The following AMDHD2 variants were observed in gnomAD, a reference collection of about 807,000 sequenced individuals.
AMDHD2 encodes N-acetylglucosamine-6-phosphate deacetylase.
AMDHD2 carries 24 observed loss-of-function variants against 41.8 expected under a neutral mutation model. The observed-to-expected ratio is 0.57, with a 90% CI of 0.42 to 0.81. The LOEUF (loss-of-function observed/expected upper bound fraction) is 0.81. Among genes scored for constraint, AMDHD2 ranks in the 30% least tolerant of loss-of-function variants. The pLI, the probability that AMDHD2 is intolerant of heterozygous loss-of-function variation, is 0.00. For missense variants in AMDHD2, 540 were observed against 588.5 expected, an observed-to-expected ratio of 0.92 and a Z score of 0.85; for synonymous variants, 332 against 255.5, an observed-to-expected ratio of 1.30 and a Z score of -2.85.
rs896325121 is a variant in AMDHD2 at position 2,524,524 on chromosome 16, G to C, written c.361-3037G>C. Reference sequence around the variant, plus strand: ...TTTTACTGTGCTCTCTCTATGTAGCGCCCTCTTGCTCCCTTCTAAAACTCC... The same window carrying C: ...TTTTACTGTGCTCTCTCTATGTAGCCCCCTCTTGCTCCCTTCTAAAACTCC... On this transcript the variant is annotated intron_variant, in intron 3 of 10. Coordinates refer to ENST00000293971, the MANE Select transcript of AMDHD2 (RefSeq NM_001330449.2). 3.3e-5 allele frequency among the ~76,000 whole-genome samples: 5 copies of C among 152,274 alleles called. No individual in the cohort carries two copies. The East Asian group carries it at 7.7e-4, about 23-fold the overall frequency.
At chr16:2,523,755 G>GC (rs1374162442) in intron 3 of AMDHD2, among the ~76,000 whole-genome samples, 1 of 152,098 alleles carries the variant, frequency 6.6e-6, no homozygotes, top group African/African-American at 2.4e-5. Context: ...CATCACCTCT[G>GC]CCCCACCCCT....
chr16:2,529,397 C>A (rs566373787), intron 10 of AMDHD2, 78 bp from the exon 11 acceptor site: 5 of 1,584,998 alleles, frequency 3.2e-6, no homozygotes, highest in Non-Finnish European at 4.3e-6. Flanking sequence ...CCACCAGCGT[C>A]GGGTTGTTGG....
rs2066024232 is a variant in AMDHD2, at chr16:2,527,837, C to T, written c.480C>T (p.Leu160=). 1.9e-6 allele frequency: 3 copies of T among 1,596,764 alleles called. No individual in the cohort carries two copies. Among genetic ancestry groups the T allele is most frequent in the Non-Finnish European group, 2.5e-6 (3 of 1,178,502 alleles). The change falls in exon 5 of 11, where the codon CTC becomes CTT. Residue 160 remains leucine (L), a synonymous_variant. Coordinates refer to ENST00000293971, the MANE Select transcript of AMDHD2 (RefSeq NM_001330449.2). The surrounding 1 kb of genome is among the most constrained non-coding windows in gnomAD (Gnocchi z 6.1). Reference sequence around the variant, plus strand: ...GGGGCGCGCACCCCGAGGCCCACCTCCGCTCCTTCGAGGCCGATGCCTTCC... The same window carrying T: ...GGGGCGCGCACCCCGAGGCCCACCTTCGCTCCTTCGAGGCCGATGCCTTCC... ...EKRGAHPEAH[L]RSFEADAFQD... is the part of the protein sequence containing the mutation.
rs1411638705 is a variant in AMDHD2 at position 2,530,259 on chromosome 16, C to T, written c.*696C>T. On this transcript the variant is annotated 3_prime_UTR_variant, in exon 11 of 11. Transcript: ENST00000293971. ...CCTATCTCTTCACACATCCCCAGGC[C>T]CAGTGCTTGCCGGCTGTGGTGACCC... 1 of 1,610,270 alleles carries T rather than the reference C, an allele frequency of 6.2e-7. No homozygotes were observed. The highest frequency in any genetic ancestry group is 8.5e-7 in the Non-Finnish European group (1 of 1,178,438).
rs1254496724 is a variant in AMDHD2, at chr16:2,520,391, T to C, written c.-68T>C. On this transcript the variant is annotated 5_prime_UTR_variant, in exon 1 of 11. Coordinates refer to ENST00000293971, the MANE Select transcript of AMDHD2 (RefSeq NM_001330449.2). ...GCGCGGTCTCAGCTCTCGGCTGGGG[T>C]TCGTCACTGGGCGCGGGATTTGGCC... 1.7e-6 allele frequency: 2 copies of C among 1,179,724 alleles called. No individual in the cohort carries two copies. Among genetic ancestry groups the C allele is most frequent in the African/African-American group, 3.2e-5 (2 of 62,444 alleles). 73.1% of individuals were successfully genotyped at this position (1,179,724 alleles called of 1,614,324 possible). A position where few individuals can be genotyped will look rare whatever the true frequency, so the allele number is the denominator to read the frequency against.
Position 2,531,085 on chromosome 16 carries a change from A to G in AMDHD2, c.*1522A>G. On this transcript the variant is annotated 3_prime_UTR_variant, in exon 11 of 11. Transcript: ENST00000293971. Reference sequence around the variant, plus strand: ...CTTGATGTGCCCATCCTCAGCTAAAACCCAGAGCTGGCATGTTGGTCATCC... The same window carrying G: ...CTTGATGTGCCCATCCTCAGCTAAAGCCCAGAGCTGGCATGTTGGTCATCC... The G allele has an allele frequency of 1.3e-6, 2 of 1,573,896 alleles. No homozygotes were observed. The highest frequency in any genetic ancestry group is 1.7e-6 in the Non-Finnish European group (2 of 1,155,572).
In AMDHD2 at chr16:2,520,498, C is replaced by T; in HGVS notation, c.40C>T (p.Gln14Ter). 1 of 1,234,094 alleles carries T rather than the reference C, an allele frequency of 8.1e-7. No homozygotes were observed. The highest frequency in any genetic ancestry group is 1.6e-5 in the African/African-American group (1 of 63,778). 76.4% of individuals were successfully genotyped at this position (1,234,094 alleles called of 1,614,324 possible). A position where few individuals can be genotyped will look rare whatever the true frequency, so the allele number is the denominator to read the frequency against. ...EQGAAGARVLQFTNCRILRGG... is the reference protein window; with the variant it reads ...EQGAAGARVL ...GGGCGCGGCGGGGGCCCGCGTGCTC[C>T]AGTTCACTAACTGCCGGATCCTGCG... Residue 14 changes from glutamine to a stop codon, truncating the protein, a stop_gained, in exon 1 of 11, where the codon CAG (glutamine) becomes TAG (stop). Transcript: ENST00000293971. LOFTEE classifies it high-confidence loss of function.
In AMDHD2 at chr16:2,528,369, C is replaced by A; in HGVS notation, c.851C>A (p.Ala284Asp). ...GCCGCCCTGCGGATCGCCCACCGTG[C>A]CCATCCCCAGGGTAAGCTGCGGCAG... ...NPAALRIAHR[A>D]HPQGLVLVTD... is the part of the protein sequence containing the mutation. The change falls in exon 7 of 11, where the codon GCC becomes GAC. Residue 284 changes from alanine to aspartate, a missense_variant. Ala to Asp is a moderately radical substitution (Grantham distance 126, BLOSUM62 -2). Coordinates refer to ENST00000293971, the MANE Select transcript of AMDHD2 (RefSeq NM_001330449.2). 3 of 1,612,934 alleles carry A rather than the reference C, an allele frequency of 1.9e-6. No individual in the cohort carries two copies. Among genetic ancestry groups the A allele is most frequent in the Non-Finnish European group, 1.7e-6 (2 of 1,179,942 alleles).
At position 2,530,528 on chromosome 16, in the gene AMDHD2, G is replaced by C. The variant is rs2066076013; in HGVS notation, c.*965G>C. The C allele has an allele frequency of 1.2e-6, 2 of 1,614,170 alleles. No homozygotes were observed. The highest frequency in any genetic ancestry group is 1.3e-5 in the African/African-American group (1 of 75,060). ...GCCCCACGTCAGGGGTGATTGTCTT[G>C]ACTTTCTCTCCATTTGAGTTCTGGG... On this transcript the variant is annotated 3_prime_UTR_variant, in exon 11 of 11. Transcript: ENST00000293971.
At chr16:2,524,594 C>G (rs1271837617) in intron 3 of AMDHD2, among the ~76,000 whole-genome samples, 1 of 152,064 alleles carries the variant, frequency 6.6e-6, no homozygotes, top group African/African-American at 2.4e-5. Context: ...TTGTTTTTTT[C>G]CTGTTTTAAT....
At position 2,520,554 on chromosome 16, in the gene AMDHD2, CGGGGACTGCGGGGCT is replaced by C. The variant is rs1301111379; in HGVS notation, c.83+20_83+34del. On this transcript the variant is annotated intron_variant, in intron 1 of 10. Coordinates refer to ENST00000293971, the MANE Select transcript of AMDHD2 (RefSeq NM_001330449.2). ...GGAAACTGCTCAGGTGGGCGCGGGC[CGGGGACTGCGGGGCT>C]GGGGACCGGGCGGGGTGCAGGGTGC... 20 of 1,064,304 alleles carry C rather than the reference CGGGGACTGCGGGGCT, an allele frequency of 1.9e-5. No individual in the cohort carries two copies. Among genetic ancestry groups the C allele is most frequent in the Middle Eastern group, 4.1e-4 (1 of 2,424 alleles). The allele number at this position is 1,064,304 out of a possible 1,614,324, so 65.9% of individuals were successfully genotyped here. A position where few individuals can be genotyped will look rare whatever the true frequency, so the allele number is the denominator to read the frequency against.
Position 2,527,991 on chromosome 16 carries a change from G to C in AMDHD2, c.628+6G>C, listed in dbSNP as rs2066027353. 3 of 1,606,946 alleles carry C rather than the reference G, an allele frequency of 1.9e-6. No individual in the cohort carries two copies. Among genetic ancestry groups the C allele is most frequent in the Non-Finnish European group, 2.5e-6 (3 of 1,178,566 alleles). ...TGGCATCTGCGTGTCCCTAGGTGAG[G>C]GGCCGGCTCGGGGTGGGCCTGCTTG... On this transcript the variant is annotated splice_donor_region_variant and intron_variant, in intron 5 of 10. Transcript: ENST00000293971. The surrounding 1 kb of genome is among the most constrained non-coding windows in gnomAD (Gnocchi z 6.1).
chr16:2,521,899 T>C lies in AMDHD2; in HGVS notation c.360+776T>C, dbSNP rs183560546. Among the ~76,000 whole-genome samples, 621 of 151,152 alleles carry C rather than the reference T, an allele frequency of 4.1e-3. 2 individuals are homozygous for C. The highest frequency in any genetic ancestry group is 0.011 in the South Asian group (52 of 4,744). ...CCCAGGGTTCACGCCATTCTCCTGCTTCAGCCTCCCAAGTAGCTGGGACTA... is the reference window on the plus strand; with the variant it reads ...CCCAGGGTTCACGCCATTCTCCTGCCTCAGCCTCCCAAGTAGCTGGGACTA... On this transcript the variant is annotated intron_variant, in intron 3 of 10. Transcript: ENST00000293971.
At chr16:2,529,361 A>T in intron 10 of AMDHD2, 114 bp from the exon 11 acceptor site, 1 of 1,498,808 alleles carries the variant, frequency 6.7e-7, no homozygotes, top group Non-Finnish European at 9.1e-7. Context: ...GTCTTGCACT[A>T]GTCGTGTCCC....
rs1167230177 is a variant in AMDHD2, at chr16:2,521,010, G to A, written c.247G>A (p.Ala83Thr). ...TGGATTTGGTGTTGACTTCTCTCAA[G>A]CCACGGAGGACGTGGGTTCGGGGGT... ...NGGFGVDFSQATEDVGSGVAL... is the reference protein window; with the variant it reads ...NGGFGVDFSQTTEDVGSGVAL... The change falls in exon 3 of 11, where the codon GCC (alanine) becomes ACC (threonine). Residue 83 changes from alanine (A) to threonine (T), a missense_variant. Coordinates refer to ENST00000293971, the MANE Select transcript of AMDHD2 (RefSeq NM_001330449.2). The A allele has an allele frequency of 6.2e-7, 1 of 1,609,570 alleles. No homozygotes were observed. The highest frequency in any genetic ancestry group is 2.2e-5 in the East Asian group (1 of 44,658).
chr16:2,530,058 G>A lies in AMDHD2; in HGVS notation c.*495G>A. The A allele has an allele frequency of 1.2e-6, 1 of 844,060 alleles. No homozygotes were observed. The highest frequency in any genetic ancestry group is 1.8e-6 in the Non-Finnish European group (1 of 564,270). The allele number at this position is 844,060 out of a possible 1,614,324, so 52.3% of individuals were successfully genotyped here. On this transcript the variant is annotated 3_prime_UTR_variant, in exon 11 of 11. Transcript: ENST00000293971. The stretch of plus-strand genomic sequence containing the variant: ...TCAGGGGTTTGCTTTCTGCTCCTGA[G>A]TTGGGGTGTGCAGCGTGGAGCCCAC...
chr16:2,530,358 T>C lies in AMDHD2; in HGVS notation c.*795T>C. The C allele has an allele frequency of 6.2e-7, 1 of 1,614,150 alleles. No individual in the cohort carries two copies. The highest frequency in any genetic ancestry group is 8.5e-7 in the Non-Finnish European group (1 of 1,180,008). On this transcript the variant is annotated 3_prime_UTR_variant, in exon 11 of 11. Coordinates refer to ENST00000293971, the MANE Select transcript of AMDHD2 (RefSeq NM_001330449.2). ...CCCCATTAGTGTCATCCTGCCATCT[T>C]CTGTGTCCCCTTGGCCCTGGCACAC...
Position 2,530,205 on chromosome 16 carries a change from C to G in AMDHD2, c.*642C>G. On this transcript the variant is annotated 3_prime_UTR_variant, in exon 11 of 11. Coordinates refer to ENST00000293971, the MANE Select transcript of AMDHD2 (RefSeq NM_001330449.2). Reference sequence around the variant, plus strand: ...GCCTAGCCCTGAGTGCCACGGATGACCAGCGTTCTGTTTTCTCTTCTCAAT... The same window carrying G: ...GCCTAGCCCTGAGTGCCACGGATGAGCAGCGTTCTGTTTTCTCTTCTCAAT... 1 of 1,515,250 alleles carries G rather than the reference C, an allele frequency of 6.6e-7. No homozygotes were observed. Among genetic ancestry groups the G allele is most frequent in the Non-Finnish European group, 8.8e-7 (1 of 1,131,490 alleles). The allele number at this position is 1,515,250 out of a possible 1,614,324, so 93.9% of individuals were successfully genotyped here.
rs1477261288 is a variant in AMDHD2 at position 2,527,822 on chromosome 16, C to T, written c.465C>T (p.His155=). ...PFISREKRGA[H]PEAHLRSFEA... ...TCAGCCGGGAGAAGCGGGGCGCGCA[C>T]CCCGAGGCCCACCTCCGCTCCTTCG... The change falls in exon 5 of 11, where the codon CAC becomes CAT. Residue 155 remains histidine, a synonymous_variant. Coordinates refer to ENST00000293971, the MANE Select transcript of AMDHD2 (RefSeq NM_001330449.2). The surrounding 1 kb of genome is among the most constrained non-coding windows in gnomAD (Gnocchi z 6.1). 1.3e-6 allele frequency: 2 copies of T among 1,593,664 alleles called. No individual in the cohort carries two copies. Among genetic ancestry groups the T allele is most frequent in the African/African-American group, 1.3e-5 (1 of 74,942 alleles).
Sources: allele counts gnomAD v4.1 joint callset (sites outside exome capture counted in the v4.1 genomes callset), GRCh38; gene constraint gnomAD v4.1.1; non-coding constraint Gnocchi (gnomAD v3.1); transcripts MANE v1.5; gene names NCBI Gene and HGNC (gene_info 2026-07-23, HGNC 2026-07-21).